The following RASSF8 variants were observed in gnomAD, a reference collection of about 807,000 sequenced individuals.
RASSF8 encodes the protein Ras association domain family member 8.
RASSF8 carries 22 observed loss-of-function variants against 48.5 expected under a neutral mutation model. The ratio of observed to expected loss-of-function variants is 0.45; its 90% CI spans 0.32 to 0.65. The LOEUF (loss-of-function observed/expected upper bound fraction) is 0.65, where lower values mean the gene tolerates loss of function less well. Among genes scored for constraint, RASSF8 ranks in the 30% least tolerant of loss-of-function variants. RASSF8 has a pLI of 0.03. For missense variants in RASSF8, 418 were observed against 489.2 expected (o/e 0.85, Z 1.37); for synonymous variants, 127 against 171.5 (o/e 0.74, Z 2.03).
At chr12:26,029,420 A>G (rs898575080) in intron 2 of RASSF8, among the ~76,000 whole-genome samples, 1 of 152,376 alleles carries the variant, frequency 6.6e-6, no homozygotes, top group Middle Eastern at 3.4e-3. Context: ...TCTGGTGGCT[A>G]AAACCATAAG....
At chr12:26,044,790 A>G (rs1943337846) in intron 2 of RASSF8, among the ~76,000 whole-genome samples, 1 of 152,206 alleles carries the variant, frequency 6.6e-6, no homozygotes, top group Non-Finnish European at 1.5e-5. Flanking sequence ...ATTAAACAGT[A>G]TAGCGCCTCC....
chr12:26,063,439 C>A (rs1189058006), intron 3 of RASSF8, among the ~76,000 whole-genome samples: 1 of 151,912 alleles, frequency 6.6e-6, no homozygotes, highest in Non-Finnish European at 1.5e-5. Flanking sequence ...ACTCTGTCAC[C>A]CAGGCTGGAG....
At chr12:25,976,010 G>T (rs960588956) in intron 1 of RASSF8, among the ~76,000 whole-genome samples, 1 of 152,162 alleles carries the variant, frequency 6.6e-6, no homozygotes, top group African/African-American at 2.4e-5. Flanking sequence ...TAGAGGAGCC[G>T]CACCCAGAAA....
In RASSF8 at chr12:26,070,813, G is replaced by GT; in HGVS notation, c.*1996dup. On this transcript the variant is annotated 3_prime_UTR_variant, in exon 6 of 6. Transcript: ENST00000689635. ...AAGTCAAAATGTTAAACTGGAGGCA[G>GT]TATTAAACTTTGCAATTAGGAGTTT... The GT allele has an allele frequency of 2.0e-6, 2 of 983,142 alleles. No homozygotes were observed. The highest frequency in any genetic ancestry group is 2.4e-6 in the Non-Finnish European group (2 of 827,934). The allele number at this position is 983,142 out of a possible 1,614,324, so 60.9% of individuals were successfully genotyped here.
chr12:26,034,033 T>C (rs1943080006), intron 2 of RASSF8, among the ~76,000 whole-genome samples: 1 of 151,948 alleles, frequency 6.6e-6, no homozygotes, highest in South Asian at 2.1e-4. Flanking sequence ...CCCAGCAAGC[T>C]AGCAGGGAGG....
chr12:25,970,037 G>C (rs1941448652), intron 1 of RASSF8, among the ~76,000 whole-genome samples: 1 of 151,562 alleles, frequency 6.6e-6, no homozygotes, highest in Non-Finnish European at 1.5e-5. Flanking sequence ...CGAGCTCCCT[G>C]ATATTTTTTC....
At chr12:26,032,035 A>G (rs772833647) in intron 2 of RASSF8, among the ~76,000 whole-genome samples, 9 of 152,224 alleles carry the variant, frequency 5.9e-5, no homozygotes, top group African/African-American at 9.6e-5. Context: ...ATATCCCAGA[A>G]GTAGTGACTT....
rs1267125382 is a variant in RASSF8, at chr12:26,064,623, C to T, written c.229C>T (p.Leu77=). 6.2e-7 allele frequency: 1 copy of T among 1,614,146 alleles called. No individual in the cohort carries two copies. The highest frequency in any genetic ancestry group is 1.7e-5 in the Admixed American group (1 of 60,018). ...GQYASDVQLI[L]RRTGPSLSER... The stretch of plus-strand genomic sequence containing the variant: ...GTATGCTAGTGATGTGCAGCTCATT[C>T]TACGACGAACTGGGCCGTCTCTCAG... Residue 77 remains leucine, a synonymous_variant, in exon 4 of 6, where the codon CTA becomes TTA. Transcript: ENST00000689635.
intron 2 of RASSF8, among the ~76,000 whole-genome samples, chr12:25,998,141 T>C (rs1027950062): frequency 2.6e-5 from 4 of 152,322 alleles, no homozygotes; most frequent in Non-Finnish European, 4.4e-5. Context: ...TTCGAGAATG[T>C]TATGACTTCC....
intron 1 of RASSF8, among the ~76,000 whole-genome samples, chr12:25,973,036 T>TA (rs939936789): frequency 2.6e-5 from 4 of 152,056 alleles, no homozygotes; most frequent in Non-Finnish European, 4.4e-5. Context: ...TTCTTTTTTT[T>TA]ATGGATGACT....
chr12:26,070,266 G>A lies in RASSF8; in HGVS notation c.*1448G>A. The A allele has an allele frequency of 4.1e-6, 4 of 984,966 alleles. No individual in the cohort carries two copies. The highest frequency in any genetic ancestry group is 4.8e-6 in the Non-Finnish European group (4 of 829,490). The allele number at this position is 984,966 out of a possible 1,614,324, so 61.0% of individuals were successfully genotyped here. A position where few individuals can be genotyped will look rare whatever the true frequency, so the allele number is the denominator to read the frequency against. ...ATAGAGCTATGTCTTATGCATGAAG[G>A]CAACTTTGGATGTTTTAACACATTT... On this transcript the variant is annotated 3_prime_UTR_variant, in exon 6 of 6. Coordinates refer to ENST00000689635, the MANE Select transcript of RASSF8 (RefSeq NM_001394098.1).
At chr12:25,998,133 C>G (rs888645687) in intron 2 of RASSF8, among the ~76,000 whole-genome samples, 2 of 152,050 alleles carry the variant, frequency 1.3e-5, no homozygotes, top group African/African-American at 4.8e-5. Flanking sequence ...AGCTCTGATT[C>G]GAGAATGTTA....
chr12:26,036,525 A>G, intron 2 of RASSF8, among the ~76,000 whole-genome samples: 1 of 152,056 alleles, frequency 6.6e-6, no homozygotes. Flanking sequence ...AGATGTCCTA[A>G]TTTTTATTTT....
intron 1 of RASSF8, among the ~76,000 whole-genome samples, chr12:25,976,085 C>G (rs112246796): frequency 0.017 from 2,587 of 152,270 alleles, 29 homozygotes; most frequent in Non-Finnish European, 0.029. Context: ...TCTCCTCACC[C>G]AGGCTGCCAG....
intron 2 of RASSF8, among the ~76,000 whole-genome samples, chr12:25,997,026 A>T (rs16929854): frequency 0.017 from 2,521 of 151,998 alleles, 52 homozygotes; most frequent in African/African-American, 0.05. Flanking sequence ...ACTAAATTAC[A>T]TTTTTTTCCC....
chr12:26,062,693 G>A (rs967650413), intron 3 of RASSF8, among the ~76,000 whole-genome samples: 3 of 150,358 alleles, frequency 2.0e-5, no homozygotes, highest in Non-Finnish European at 1.5e-5. Context: ...CAAGGGAGGG[G>A]AAAAAATAAA....
At chr12:26,024,560 C>G (rs1265679801) in intron 2 of RASSF8, among the ~76,000 whole-genome samples, 2 of 152,096 alleles carry the variant, frequency 1.3e-5, no homozygotes, top group Non-Finnish European at 2.9e-5. Flanking sequence ...CAAAAATTCT[C>G]AAAAAACACT....
intron 2 of RASSF8, 60 bp from the exon 3 acceptor site, chr12:26,055,176 A>G (rs1343920662): frequency 3.2e-6 from 2 of 621,696 alleles, no homozygotes; most frequent in Admixed American, 5.4e-5. Flanking sequence ...TAATACTTAC[A>G]TACTTACTAG....
At chr12:26,068,595 T>C in intron 5 of RASSF8, 102 bp from the exon 6 acceptor site, 1 of 907,938 alleles carries the variant, frequency 1.1e-6, no homozygotes, top group Non-Finnish European at 1.7e-6. Flanking sequence ...TATTGCTCTA[T>C]GCAGTTTTCC....
Sources: allele counts gnomAD v4.1 joint callset (sites outside exome capture counted in the v4.1 genomes callset), GRCh38; gene constraint gnomAD v4.1.1; transcripts MANE v1.5; gene names NCBI Gene and HGNC (gene_info 2026-07-23, HGNC 2026-07-21).